Variants in ZNF585B observed in about 807,000 individuals in gnomAD.
The protein encoded by ZNF585B is zinc finger protein 41-like protein.
In ZNF585B, 7 loss-of-function variants were observed where a neutral mutation model predicts 14.0. That is an observed-to-expected ratio of 0.50 (90% CI 0.28 to 0.94). The LOEUF (loss-of-function observed/expected upper bound fraction) is 0.94, where lower values mean the gene tolerates loss of function less well. Among genes scored for constraint, ZNF585B ranks in the 40% least tolerant of loss-of-function variants. The pLI is 0.09. For synonymous variants in ZNF585B, 290 were observed against 317.3 expected, an observed-to-expected ratio of 0.91 and a Z score of 0.91; for missense variants, 750 against 924.4, an observed-to-expected ratio of 0.81 and a Z score of 2.45.
chr19:37,197,814 T>C (rs1972485029), intron 2 of ZNF585B, among the ~76,000 whole-genome samples: 1 of 152,192 alleles, frequency 6.6e-6, no homozygotes, highest in African/African-American at 2.4e-5. Flanking sequence ...TTATTTTTAA[T>C]GGCAAAACCG....
chr19:37,200,420 C>G (rs1201583442), intron 2 of ZNF585B, among the ~76,000 whole-genome samples: 1 of 151,270 alleles, frequency 6.6e-6, no homozygotes, highest in South Asian at 2.1e-4. Flanking sequence ...CATGGTGGCG[C>G]GCGCCTGTAA....
At chr19:37,195,911 A>C (rs559355142) in intron 2 of ZNF585B, 3 of 152,504 alleles carry the variant, frequency 2.0e-5, no homozygotes, top group Non-Finnish European at 2.9e-5. Flanking sequence ...CTGTAATCTC[A>C]GCTACTCGGG....
At chr19:37,205,448 G>A (rs1350429443) in intron 2 of ZNF585B, among the ~76,000 whole-genome samples, 2 of 152,138 alleles carry the variant, frequency 1.3e-5, no homozygotes, top group Non-Finnish European at 2.9e-5. Context: ...AATAGTTTCT[G>A]TATTTTACCA....
intron 2 of ZNF585B, among the ~76,000 whole-genome samples, chr19:37,201,230 T>C (rs1162215316): frequency 3.3e-5 from 5 of 152,102 alleles, no homozygotes; most frequent in African/African-American, 9.7e-5. Flanking sequence ...ACCTTAATAT[T>C]TGAGCTGAAT....
chr19:37,184,443 G>GAAAGAAAAA lies in ZNF585B; in HGVS notation c.*783_*784insTTTTTCTTT. 1.7e-5 allele frequency: 1 copy of GAAAGAAAAA among 58,888 alleles called. No individual in the cohort carries two copies. Among genetic ancestry groups the GAAAGAAAAA allele is most frequent in the Admixed American group, 2.0e-4 (1 of 5,096 alleles). 3.6% of individuals were successfully genotyped at this position (58,888 alleles called of 1,614,324 possible). ...GAAAGAAAGAAAAAGAAAGAAAGAA[G>GAAAGAAAAA]GAAAGAAAGAAAGAAAGAAAGAAAG... On this transcript the variant is annotated 3_prime_UTR_variant, in exon 5 of 5. Coordinates refer to ENST00000532828, the MANE Select transcript of ZNF585B (RefSeq NM_152279.4).
At chr19:37,187,959 C>G (rs921092791) in intron 4 of ZNF585B, among the ~76,000 whole-genome samples, 7 of 152,128 alleles carry the variant, frequency 4.6e-5, no homozygotes, top group Admixed American at 4.6e-4. Context: ...ATCCATGCCC[C>G]TAATTCACTT....
chr19:37,185,388 G>C lies in ZNF585B; in HGVS notation c.2149C>G (p.Pro717Ala), dbSNP rs1193070559. Residue 717 changes from proline (P) to alanine (A), a missense_variant, in exon 5 of 5, where the codon CCT (proline) becomes GCT (alanine). Physicochemically the swap from Pro to Ala is conservative, Grantham distance 27. Around this residue, in one of 2 missense-constraint regions of ZNF585B, gnomAD observed 233 missense variants for 354.1 expected, o/e 0.66. Coordinates refer to ENST00000532828, the MANE Select transcript of ZNF585B (RefSeq NM_152279.4). ...TTCCCACACTCAGCACACACGTAAGGCTTCTCTCCAGTGTGAATTCGCTGA... is the reference window on the plus strand; with the variant it reads ...TTCCCACACTCAGCACACACGTAAGCCTTCTCTCCAGTGTGAATTCGCTGA... ...VHQRIHTGEK[P>A]YVCAECGKAF... is the part of the protein sequence containing the mutation. 8.1e-6 allele frequency: 13 copies of C among 1,613,908 alleles called. No homozygotes were observed. Among genetic ancestry groups the C allele is most frequent in the Admixed American group, 3.3e-5 (2 of 59,986 alleles).
Position 37,190,078 on chromosome 19 carries a change from T to C in ZNF585B, c.145A>G (p.Arg49Gly), listed in dbSNP as rs1972382723. The change falls in exon 3 of 5, where the codon AGA becomes GGA. Residue 49 changes from arginine to glycine, a missense_variant. By Grantham distance (125) the Arg-to-Gly change is moderately radical (BLOSUM62 -2). This residue lies in a region of ZNF585B where 517 missense variants were observed against 570.3 expected (regional missense o/e 0.91). Coordinates refer to ENST00000532828, the MANE Select transcript of ZNF585B (RefSeq NM_152279.4). The stretch of plus-strand genomic sequence containing the variant: ...AGCATCACATCCCGGTACAGGTTTC[T>C]CTGAGAAAGGTCCAGGTGCCGCCAT... ...EEWRHLDLSQ[R>G]NLYRDVMLET... 3.1e-6 allele frequency: 5 copies of C among 1,613,998 alleles called. No homozygotes were observed. The South Asian group carries it at 5.5e-5, about 18-fold the overall frequency.
chr19:37,200,396 A>G (rs1972518467), intron 2 of ZNF585B, among the ~76,000 whole-genome samples: 1 of 151,038 alleles, frequency 6.6e-6, no homozygotes, highest in Admixed American at 6.6e-5. Flanking sequence ...CTAAAAATAC[A>G]AAAATTAGCC....
intron 2 of ZNF585B, chr19:37,198,884 G>T (rs927226381): frequency 1.9e-6 from 2 of 1,066,874 alleles, no homozygotes; most frequent in Non-Finnish European, 2.6e-6. Context: ...GGAAAGAAAA[G>T]TACTAAAGAT....
At chr19:37,210,239 C>T (rs2145450131) in intron 1 of ZNF585B, among the ~76,000 whole-genome samples, 1 of 152,244 alleles carries the variant, frequency 6.6e-6, no homozygotes, top group African/African-American at 2.4e-5. Flanking sequence ...CCCTCAGTCA[C>T]TGACCACAGA....
Position 37,187,073 on chromosome 19 carries a change from T to C in ZNF585B, c.464A>G (p.Glu155Gly), listed in dbSNP as rs1599762312. 6.2e-7 allele frequency: 1 copy of C among 1,613,818 alleles called. No homozygotes were observed. Among genetic ancestry groups the C allele is most frequent in the African/African-American group, 1.3e-5 (1 of 75,022 alleles). Residue 155 changes from glutamate (E) to glycine (G), a missense_variant, in exon 5 of 5, where the codon GAA (glutamate) becomes GGA (glycine). Physicochemically the swap from Glu to Gly is moderately conservative, Grantham distance 98. Coordinates refer to ENST00000532828, the MANE Select transcript of ZNF585B (RefSeq NM_152279.4). ...FKVHLKVPTG[E>G]KLYVCIECGR... ...ACATTCAATACATACATAGAGTTTTTCTCCTGTAGGAACTTTCAGATGTAC... is the reference window on the plus strand; with the variant it reads ...ACATTCAATACATACATAGAGTTTTCCTCCTGTAGGAACTTTCAGATGTAC...
At chr19:37,198,414 C>T (rs1972493200) in intron 2 of ZNF585B, among the ~76,000 whole-genome samples, 1 of 152,086 alleles carries the variant, frequency 6.6e-6, no homozygotes, top group African/African-American at 2.4e-5. Flanking sequence ...TCAGGTGGTC[C>T]ACCAGCCTCA....
At chr19:37,207,574 A>G (rs1972598760) in intron 1 of ZNF585B, among the ~76,000 whole-genome samples, 1 of 152,214 alleles carries the variant, frequency 6.6e-6, no homozygotes, top group Non-Finnish European at 1.5e-5. Flanking sequence ...ATTTAGAGTA[A>G]CATTACTGCA....
chr19:37,191,874 A>C (rs537820288), intron 2 of ZNF585B, among the ~76,000 whole-genome samples: 5 of 152,272 alleles, frequency 3.3e-5, no homozygotes, highest in Admixed American at 6.5e-5. Flanking sequence ...TCTACTAAAA[A>C]TACAAAAAAT....
Position 37,185,804 on chromosome 19 carries a change from T to C in ZNF585B, c.1733A>G (p.Tyr578Cys), listed in dbSNP as rs1234177015. 1.9e-5 allele frequency: 31 copies of C among 1,605,094 alleles called. No homozygotes were observed. Among genetic ancestry groups the C allele is most frequent in the East Asian group, 6.7e-5 (3 of 44,800 alleles). ...AGCTCTTCCACACTCAGTGCATACA[T>C]AGGGTTTCTCTCCTGTATGAATTTT... ...HQKIHTGEKPYVCTECGRAFI... is the reference protein window; with the variant it reads ...HQKIHTGEKPCVCTECGRAFI... Residue 578 changes from tyrosine to cysteine, a missense_variant, in exon 5 of 5, where the codon TAT becomes TGT. Physicochemically the swap from Tyr to Cys is radical, Grantham distance 194. This residue lies in a region of ZNF585B where 233 missense variants were observed against 354.1 expected (regional missense o/e 0.66). Transcript: ENST00000532828.
In ZNF585B at chr19:37,190,099, G is replaced by C; in HGVS notation, c.124C>G (p.Arg42Gly). ...TTTCTCTGAGAAAGGTCCAGGTGCC[G>C]CCATTCCTCTCTGCTGAAATCGATA... ...VAIDFSREEW[R>G]HLDLSQRNLY... Residue 42 changes from arginine (R) to glycine (G), a missense_variant, in exon 3 of 5, where the codon CGG (arginine) becomes GGG (glycine). Transcript: ENST00000532828. The C allele has an allele frequency of 6.2e-7, 1 of 1,614,146 alleles. No homozygotes were observed. Among genetic ancestry groups the C allele is most frequent in the Non-Finnish European group, 8.5e-7 (1 of 1,180,038 alleles).
chr19:37,181,671 C>A lies in ZNF585B; in HGVS notation c.*3556G>T. On this transcript the variant is annotated 3_prime_UTR_variant, in exon 5 of 5. Coordinates refer to ENST00000532828, the MANE Select transcript of ZNF585B (RefSeq NM_152279.4). ...ATGGATAAATAAGTCATGGTACTTC[C>A]AGACAATAGCATATTATTCAATGAG... is the stretch of plus-strand genomic sequence containing the variant. 1 of 146,134 alleles carries A rather than the reference C, an allele frequency of 6.8e-6. No individual in the cohort carries two copies. The highest frequency in any genetic ancestry group is 2.5e-5 in the African/African-American group (1 of 39,624). 9.1% of individuals were successfully genotyped at this position (146,134 alleles called of 1,614,324 possible). A position where few individuals can be genotyped will look rare whatever the true frequency, so the allele number is the denominator to read the frequency against.
chr19:37,185,032 T>G lies in ZNF585B; in HGVS notation c.*195A>C. The G allele has an allele frequency of 1.9e-6, 1 of 535,536 alleles. No homozygotes were observed. Among genetic ancestry groups the G allele is most frequent in the Non-Finnish European group, 3.3e-6 (1 of 304,104 alleles). 33.2% of individuals were successfully genotyped at this position (535,536 alleles called of 1,614,324 possible). On this transcript the variant is annotated 3_prime_UTR_variant, in exon 5 of 5. Transcript: ENST00000532828. Reference sequence around the variant, plus strand: ...GTATGAATAATGACCCAAGGTTTACTGGGGATGGTGACAATGTAGGAAGGG... The same window carrying G: ...GTATGAATAATGACCCAAGGTTTACGGGGGATGGTGACAATGTAGGAAGGG...
Sources: allele counts gnomAD v4.1 joint callset (sites outside exome capture counted in the v4.1 genomes callset), GRCh38; gene constraint gnomAD v4.1.1; regional missense constraint gnomAD v4.1.1; transcripts MANE v1.5; gene names NCBI Gene and HGNC (gene_info 2026-07-23, HGNC 2026-07-21).